The following IMPA2 variants were observed in gnomAD, a reference collection of about 807,000 sequenced individuals.
The protein encoded by IMPA2 is IMP 2.
IMPA2 carries 32 observed loss-of-function variants against 35.1 expected under a neutral mutation model. That is an observed-to-expected ratio of 0.91 (90% CI 0.69 to 1.23). IMPA2 has a LOEUF of 1.23. Among genes scored for constraint, IMPA2 ranks in the 50% most tolerant of loss-of-function variants. IMPA2 has a pLI of 0.00. For synonymous variants in IMPA2, 135 were observed against 160.6 expected, an observed-to-expected ratio of 0.84 and a Z score of 1.20; for missense variants, 334 against 387.6, an observed-to-expected ratio of 0.86 and a Z score of 1.16.
Position 11,981,580 on chromosome 18 carries a change from T to G in IMPA2, c.-90T>G. 2.5e-6 allele frequency: 2 copies of G among 807,956 alleles called. No individual in the cohort carries two copies. The highest frequency in any genetic ancestry group is 3.3e-6 in the Non-Finnish European group (2 of 605,486). The allele number at this position is 807,956 out of a possible 1,614,324, so 50.0% of individuals were successfully genotyped here. ...GAGCTGCGGGAGCAGGCACAGGGAG[T>G]GTGGAGCCTGGCGGCGGGACGGCGG... On this transcript the variant is annotated 5_prime_UTR_variant, in exon 1 of 8. Transcript: ENST00000269159.
Position 12,014,328 on chromosome 18 carries a change from G to C in IMPA2, c.445G>C (p.Gly149Arg), listed in dbSNP as rs1357433752. The change falls in exon 5 of 8, where the codon GGC becomes CGC. Residue 149 changes from glycine (G) to arginine (R), a missense_variant. Coordinates refer to ENST00000269159, the MANE Select transcript of IMPA2 (RefSeq NM_014214.3). Reference protein sequence around the residue: ...ERLYTGRRGRGAFCNGQRLRV... With the variant: ...ERLYTGRRGRRAFCNGQRLRV... ...GCTGTACACGGGCCGGCGGGGTCGG[G>C]GCGCCTTCTGCAATGGCCAGCGGCT... 2 of 1,609,418 alleles carry C rather than the reference G, an allele frequency of 1.2e-6. No homozygotes were observed. The highest frequency in any genetic ancestry group is 2.3e-5 in the East Asian group (1 of 44,404).
In IMPA2 at chr18:11,991,443, C is replaced by A. The variant is rs779955183; in HGVS notation, c.97-7611C>A. On this transcript the variant is annotated intron_variant, in intron 1 of 7. Transcript: ENST00000269159. The surrounding 1 kb of genome is among the most constrained non-coding windows in gnomAD (Gnocchi z 4.1). ...ACAGAGATTTGTGACGCATCAACAG[C>A]TGTGAACTGCTGACCACATGTGCCA... is the stretch of plus-strand genomic sequence containing the variant. 3.3e-5 allele frequency among the ~76,000 whole-genome samples: 5 copies of A among 152,126 alleles called. No homozygotes were observed. The highest frequency in any genetic ancestry group is 6.5e-5 in the Admixed American group (1 of 15,280).
intron 6 of IMPA2, 50 bp from the exon 7 acceptor site, chr18:12,028,791 CA>C: frequency 6.3e-7 from 1 of 1,588,162 alleles, no homozygotes; most frequent in Non-Finnish European, 8.6e-7. Flanking sequence ...TTGCACACCA[CA>C]GAAAAGGCTC....
At chr18:11,990,281 G>A (rs988362330) in intron 1 of IMPA2, among the ~76,000 whole-genome samples, 8 of 152,204 alleles carry the variant, frequency 5.3e-5, no homozygotes, top group Non-Finnish European at 2.9e-5. Flanking sequence ...CAGTGTGCAG[G>A]CGGACTGGGA....
intron 5 of IMPA2, among the ~76,000 whole-genome samples, chr18:12,019,081 G>A (rs779912729): frequency 5.3e-5 from 8 of 151,192 alleles, no homozygotes; most frequent in African/African-American, 7.3e-5. Flanking sequence ...CCACCTCAGC[G>A]TCTCAAAGTG....
intron 2 of IMPA2, among the ~76,000 whole-genome samples, chr18:12,007,728 C>T (rs73404709): frequency 0.065 from 7,729 of 119,382 alleles, 245 homozygotes; most frequent in Middle Eastern, 0.13. Context: ...CTTTATTTCT[C>T]TCTCTCTCCT....
chr18:11,997,375 GA>G (rs1281654258), intron 1 of IMPA2, among the ~76,000 whole-genome samples: 2 of 152,230 alleles, frequency 1.3e-5, no homozygotes, highest in African/African-American at 4.8e-5. Context: ...GCTGTCATAG[GA>G]ATATGAAGTC....
rs538480784 is a variant in IMPA2, at chr18:11,992,083, A to T, written c.97-6971A>T. The stretch of plus-strand genomic sequence containing the variant: ...GGTCTCGAACTCCTGACTTCAGGTG[A>T]TCTGCCTGCCTCGGCCTCCCAGTGC... On this transcript the variant is annotated intron_variant, in intron 1 of 7. Coordinates refer to ENST00000269159, the MANE Select transcript of IMPA2 (RefSeq NM_014214.3). 3.3e-5 allele frequency among the ~76,000 whole-genome samples: 5 copies of T among 152,334 alleles called. No individual in the cohort carries two copies. The East Asian group carries it at 9.7e-4, about 29-fold the overall frequency.
chr18:12,000,615 A>ATTTTTT, intron 2 of IMPA2, among the ~76,000 whole-genome samples: 1 of 118,208 alleles, frequency 8.5e-6, no homozygotes, highest in Non-Finnish European at 1.7e-5. Context: ...AGTGTTTGTG[A>ATTTTTT]TTTTTTTTTT....
At chr18:11,987,052 A>G (rs1025405117) in intron 1 of IMPA2, among the ~76,000 whole-genome samples, 9 of 152,154 alleles carry the variant, frequency 5.9e-5, no homozygotes, top group African/African-American at 2.2e-4. Flanking sequence ...AGGATTTTTC[A>G]TGATCTCCTT....
intron 1 of IMPA2, among the ~76,000 whole-genome samples, chr18:11,987,226 C>T (rs1328373778): frequency 6.6e-6 from 1 of 152,224 alleles, no homozygotes; most frequent in African/African-American, 2.4e-5. Context: ...CTAACATTCC[C>T]AGCTGACATA....
chr18:11,985,379 G>T (rs992311991), intron 1 of IMPA2, among the ~76,000 whole-genome samples: 3 of 152,108 alleles, frequency 2.0e-5, no homozygotes, highest in Non-Finnish European at 2.9e-5. Flanking sequence ...GAATGATAAT[G>T]ATTTTGTAAT....
intron 2 of IMPA2, among the ~76,000 whole-genome samples, chr18:11,999,915 G>A (rs1022354813): frequency 7.2e-5 from 11 of 152,176 alleles, no homozygotes; most frequent in African/African-American, 2.7e-4. Context: ...GGGCTCTAAG[G>A]CCCCTCTCTC....
At chr18:12,019,980 A>G (rs1003491110) in intron 5 of IMPA2, among the ~76,000 whole-genome samples, 18 of 152,112 alleles carry the variant, frequency 1.2e-4, no homozygotes, top group African/African-American at 4.3e-4. Flanking sequence ...GGTTTAAGCA[A>G]TTCTCCTGCC....
chr18:11,990,076 T>A (rs1435177562), intron 1 of IMPA2, among the ~76,000 whole-genome samples: 1 of 152,128 alleles, frequency 6.6e-6, no homozygotes, highest in African/African-American at 2.4e-5. Context: ...CTGGTTTGCG[T>A]CTTCTCTCTT....
intron 4 of IMPA2, 21 bp downstream of exon 4, chr18:12,012,236 C>G (rs1443352966): frequency 1.9e-6 from 3 of 1,606,810 alleles, no homozygotes; most frequent in Non-Finnish European, 2.6e-6. Context: ...GGCCCAGGTC[C>G]CCAGGGCCCC....
At chr18:12,015,384 T>G (rs918033860) in intron 5 of IMPA2, among the ~76,000 whole-genome samples, 12 of 152,222 alleles carry the variant, frequency 7.9e-5, no homozygotes, top group African/African-American at 2.9e-4. Context: ...ACTTCTTTCC[T>G]CCCTGGCTGA....
At position 12,012,365 on chromosome 18, in the gene IMPA2, G is replaced by A. The variant is rs111737716; in HGVS notation, c.381+150G>A. 7.4e-3 allele frequency: 5,232 copies of A among 708,218 alleles called. 39 individuals are homozygous for A. The highest frequency in any genetic ancestry group is 0.011 in the Middle Eastern group (45 of 4,070). 43.9% of individuals were successfully genotyped at this position (708,218 alleles called of 1,614,324 possible). ...ATCCAAGCCTGTGGGTTTCAAATCC[G>A]AGAAAATAAACAAGTCCAGACTGGC... On this transcript the variant is annotated intron_variant, in intron 4 of 7. Coordinates refer to ENST00000269159, the MANE Select transcript of IMPA2 (RefSeq NM_014214.3).
intron 4 of IMPA2, among the ~76,000 whole-genome samples, chr18:12,012,815 G>C (rs1422051353): frequency 6.6e-6 from 1 of 152,204 alleles, no homozygotes; most frequent in Non-Finnish European, 1.5e-5. Flanking sequence ...AGGGCCGAGG[G>C]CTGCATGTTT....
Sources: allele counts gnomAD v4.1 joint callset (sites outside exome capture counted in the v4.1 genomes callset), GRCh38; gene constraint gnomAD v4.1.1; non-coding constraint Gnocchi (gnomAD v3.1); transcripts MANE v1.5; gene names NCBI Gene and HGNC (gene_info 2026-07-23, HGNC 2026-07-21).